Variants in CHTF8 observed in about 807,000 individuals in gnomAD.
CHTF8 encodes chromosome transmission fidelity protein 8 homolog.
CHTF8 carries 6 observed loss-of-function variants against 11.0 expected under a neutral mutation model. The observed-to-expected ratio is 0.55, with a 90% confidence interval of 0.30 to 1.08. CHTF8 has a LOEUF of 1.08. Ranked by LOEUF, CHTF8 falls within the 50% of genes least tolerant of loss-of-function variation. The pLI is 0.07. For synonymous variants in CHTF8, 53 were observed against 60.5 expected (o/e 0.88, Z 0.57); for missense variants, 140 against 153.1 (o/e 0.91, Z 0.45).
At chr16:69,128,406 T>G (rs1449810277) in intron 1 of CHTF8, among the ~76,000 whole-genome samples, 1 of 152,238 alleles carries the variant, frequency 6.6e-6, no homozygotes, top group African/African-American at 2.4e-5. Context: ...AACTCATGTG[T>G]AGCCTTGGAA....
chr16:69,121,550 C>A, intron 1 of CHTF8, 57 bp from the exon 2 acceptor site: 1 of 1,040,172 alleles, frequency 9.6e-7, no homozygotes, highest in Admixed American at 2.3e-5. Context: ...ATAATGACAC[C>A]TAATGCAACC....
At chr16:69,130,503 G>C (rs1962420164) in intron 1 of CHTF8, among the ~76,000 whole-genome samples, 1 of 152,126 alleles carries the variant, frequency 6.6e-6, no homozygotes, top group African/African-American at 2.4e-5. Context: ...TACGAATATA[G>C]TGAAGCACTC....
rs1961403926 is a variant in CHTF8 at position 69,119,089 on chromosome 16, C to T, written c.*1336G>A. 5 of 703,032 alleles carry T rather than the reference C, an allele frequency of 7.1e-6. No individual in the cohort carries two copies. In the East Asian group the frequency reaches 1.3e-4, roughly 19 times the overall value. The allele number at this position is 703,032 out of a possible 1,614,324, so 43.5% of individuals were successfully genotyped here. On this transcript the variant is annotated 3_prime_UTR_variant, in exon 4 of 4. Transcript: ENST00000448552. ...GCCAGCTGGAGAAGGGCCCAGATGC[C>T]CGGCAGCTGGCCTGGGGAAAGTAAC...
chr16:69,122,033 G>A (rs1055601728), intron 1 of CHTF8, among the ~76,000 whole-genome samples: 16 of 150,966 alleles, frequency 1.1e-4, no homozygotes, highest in African/African-American at 3.2e-4. Context: ...TGATTCACCC[G>A]CCTCAGCCTC....
chr16:69,129,914 G>C (rs1962372257), intron 1 of CHTF8, among the ~76,000 whole-genome samples: 2 of 152,184 alleles, frequency 1.3e-5, no homozygotes, highest in Admixed American at 1.3e-4. Context: ...ATACCCAATT[G>C]AGATGTTTCA....
chr16:69,120,781 A>T lies in CHTF8; in HGVS notation c.142-132T>A, dbSNP rs1266004130. ...TGGTCTGGCTCTGCCATTGTTGAGC[A>T]GCCACACTGGACCACCCACCCATGT... On this transcript the variant is annotated intron_variant, in intron 3 of 3. Transcript: ENST00000448552. The surrounding 1 kb of genome is among the most constrained non-coding windows in gnomAD (Gnocchi z 4.0). 14 of 811,346 alleles carry T rather than the reference A, an allele frequency of 1.7e-5. No homozygotes were observed. Among genetic ancestry groups the T allele is most frequent in the Non-Finnish European group, 2.8e-5 (14 of 497,018 alleles). The allele number at this position is 811,346 out of a possible 1,614,324, so 50.3% of individuals were successfully genotyped here.
chr16:69,121,116 G>C lies in CHTF8; in HGVS notation c.78C>G (p.Ile26Met), dbSNP rs780224135. 21 of 1,613,624 alleles carry C rather than the reference G, an allele frequency of 1.3e-5. No homozygotes were observed. The highest frequency in any genetic ancestry group is 8.8e-5 in the South Asian group (8 of 91,076). The change falls in exon 3 of 4, where the codon ATC becomes ATG. Residue 26 changes from isoleucine (I) to methionine (M), a missense_variant. By Grantham distance (10) the Ile-to-Met change is conservative. Transcript: ENST00000448552. Reference protein sequence around the residue: ...EWVLMELQGEIEARYSTGLAG... With the variant: ...EWVLMELQGEMEARYSTGLAG... ...CTAATCCAGTGCTGTAGCGAGCCTC[G>C]ATCTCCCCCTGTAGCTCCATCAGCA...
At position 69,124,914 on chromosome 16, in the gene CHTF8, CT is replaced by C. The variant is rs573373718; in HGVS notation, c.-35-3422del. On this transcript the variant is annotated intron_variant, in intron 1 of 3. Transcript: ENST00000448552. ...ACATGAAATTGGTCAACTCACTAGA[CT>C]TTTTTTGAGACAGAGTTTCGCTCCT... Among the ~76,000 whole-genome samples the C allele has an allele frequency of 1.5e-4, 22 of 151,190 alleles. No homozygotes were observed. In the South Asian group the frequency reaches 4.4e-3, roughly 30 times the overall value.
intron 2 of CHTF8, 36 bp from the exon 3 acceptor site, chr16:69,121,206 A>AG (rs1348726579): frequency 1.3e-6 from 2 of 1,580,746 alleles, no homozygotes; most frequent in Non-Finnish European, 1.7e-6. Flanking sequence ...AATATTTTTG[A>AG]GGGGTGAAGG....
intron 1 of CHTF8, among the ~76,000 whole-genome samples, chr16:69,128,255 G>GACTAAC (rs1306279635): frequency 6.6e-6 from 1 of 152,136 alleles, no homozygotes; most frequent in African/African-American, 2.4e-5. Context: ...ATTTGGCTAG[G>GACTAAC]ACTAACATGT....
chr16:69,130,986 G>A (rs992261275), intron 1 of CHTF8, among the ~76,000 whole-genome samples: 2 of 152,162 alleles, frequency 1.3e-5, no homozygotes, highest in African/African-American at 4.8e-5. Context: ...AACTCAGAAC[G>A]TTTTACATAC....
Position 69,118,311 on chromosome 16 carries a change from T to C in CHTF8, c.*2114A>G, listed in dbSNP as rs542564374. The C allele has an allele frequency of 1.2e-5, 15 of 1,210,236 alleles. No homozygotes were observed. The South Asian group carries it at 1.4e-4, about 12-fold the overall frequency. The allele number at this position is 1,210,236 out of a possible 1,614,324, so 75.0% of individuals were successfully genotyped here. On this transcript the variant is annotated 3_prime_UTR_variant, in exon 4 of 4. Coordinates refer to ENST00000448552, the MANE Select transcript of CHTF8 (RefSeq NM_001039690.5). ...TCAAGCAGAAACTGCATTCGGTGGG[T>C]CTTTCTTTGAAGTGGTTGTCCATCT...
At chr16:69,130,955 G>C (rs776623768) in intron 1 of CHTF8, among the ~76,000 whole-genome samples, 3 of 152,164 alleles carry the variant, frequency 2.0e-5, no homozygotes, top group Non-Finnish European at 2.9e-5. Context: ...ATGTCTCTAT[G>C]TGCCTTTCTA....
rs1368456429 is a variant in CHTF8, at chr16:69,120,905, G to T, written c.141+148C>A. On this transcript the variant is annotated intron_variant, in intron 3 of 3. Coordinates refer to ENST00000448552, the MANE Select transcript of CHTF8 (RefSeq NM_001039690.5). The surrounding 1 kb of genome is among the most constrained non-coding windows in gnomAD (Gnocchi z 4.0). ...ATTAAATTTCCCTGCTACTGCAGAGGTAGGGGGAGAACAAGCAGAGAGCAT... is the reference window on the plus strand; with the variant it reads ...ATTAAATTTCCCTGCTACTGCAGAGTTAGGGGGAGAACAAGCAGAGAGCAT... 3.7e-6 allele frequency: 3 copies of T among 808,034 alleles called. No homozygotes were observed. The allele number at this position is 808,034 out of a possible 1,614,324, so 50.1% of individuals were successfully genotyped here. A position where few individuals can be genotyped will look rare whatever the true frequency, so the allele number is the denominator to read the frequency against.
chr16:69,127,146 G>C (rs1228281828), intron 1 of CHTF8, among the ~76,000 whole-genome samples: 1 of 151,830 alleles, frequency 6.6e-6, no homozygotes, highest in Non-Finnish European at 1.5e-5. Context: ...GCTGAGACAG[G>C]AGAATTGCTT....
At chr16:69,129,957 G>A (rs1020429339) in intron 1 of CHTF8, among the ~76,000 whole-genome samples, 2 of 152,200 alleles carry the variant, frequency 1.3e-5, no homozygotes, top group Non-Finnish European at 2.9e-5. Flanking sequence ...TCTACTCAAT[G>A]CCACCTCTAG....
At chr16:69,123,331 G>A (rs1961818791) in intron 1 of CHTF8, among the ~76,000 whole-genome samples, 1 of 151,994 alleles carries the variant, frequency 6.6e-6, no homozygotes, top group South Asian at 2.1e-4. Context: ...TACCTCCTTG[G>A]TTATCAAGGT....
In CHTF8 at chr16:69,121,078, A is replaced by G; in HGVS notation, c.116T>C (p.Leu39Pro). The G allele has an allele frequency of 6.2e-7, 1 of 1,614,068 alleles. No homozygotes were observed. The stretch of plus-strand genomic sequence containing the variant: ...CTCAGTGGTGTAATGTAGGTCTCCC[A>G]GGAGGTTTCCAGCTAATCCAGTGCT... The part of the protein sequence containing the change: ...RYSTGLAGNL[L>P]GDLHYTTEGI... The change falls in exon 3 of 4, where the codon CTG (leucine) becomes CCG (proline). Residue 39 changes from leucine (L) to proline (P), a missense_variant. Coordinates refer to ENST00000448552, the MANE Select transcript of CHTF8 (RefSeq NM_001039690.5).
chr16:69,129,916 G>A (rs1014424427), intron 1 of CHTF8, among the ~76,000 whole-genome samples: 3 of 152,188 alleles, frequency 2.0e-5, no homozygotes, highest in African/African-American at 7.2e-5. Context: ...ACCCAATTGA[G>A]ATGTTTCAGT....
Sources: gnomAD v4.1 joint callset for allele counts (sites outside exome capture counted in the v4.1 genomes callset) on GRCh38, gnomAD v4.1.1 for gene constraint, Gnocchi (gnomAD v3.1) non-coding constraint, MANE v1.5 for transcripts, NCBI Gene and HGNC (gene_info 2026-07-23, HGNC 2026-07-21) for gene names.